ARHGAP42: variants seen among roughly 807,000 people sequenced by gnomAD.
ARHGAP42 encodes rho GTPase-activating protein 42.
In ARHGAP42, 63 loss-of-function variants were observed where a neutral mutation model predicts 125.0. The ratio of observed to expected loss-of-function variants is 0.50; its 90% CI spans 0.41 to 0.62. The LOEUF is 0.62. ARHGAP42 is among the 20% of genes least tolerant of loss of function. The pLI, the probability that ARHGAP42 is intolerant of heterozygous loss-of-function variation, is 0.00. For synonymous variants in ARHGAP42, 339 were observed against 351.0 expected, an observed-to-expected ratio of 0.97 and a Z score of 0.38; for missense variants, 766 against 1,024.2, an observed-to-expected ratio of 0.75 and a Z score of 3.44.
chr11:100,728,600 C>A (rs1372641377), intron 1 of ARHGAP42, among the ~76,000 whole-genome samples: 3 of 151,524 alleles, frequency 2.0e-5, no homozygotes, highest in African/African-American at 7.3e-5. Context: ...TTCCTCTTTT[C>A]CTCATTATAA....
At chr11:100,937,362 A>G (rs1867764365) in intron 8 of ARHGAP42, among the ~76,000 whole-genome samples, 1 of 152,128 alleles carries the variant, frequency 6.6e-6, no homozygotes, top group Non-Finnish European at 1.5e-5. Context: ...AAAATTACCA[A>G]TCCCTTGGCT....
intron 5 of ARHGAP42, among the ~76,000 whole-genome samples, 184 bp from the exon 6 acceptor site, chr11:100,921,310 A>T (rs78123976): frequency 0.14 from 17,152 of 119,898 alleles, 1,300 homozygotes; most frequent in Middle Eastern, 0.23. Context: ...CCGTGTGTGT[A>T]TGTGTCTGTG....
chr11:100,978,945 G>A, intron 21 of ARHGAP42, 42 bp from the exon 22 acceptor site: 1 of 1,543,238 alleles, frequency 6.5e-7, no homozygotes, highest in South Asian at 1.2e-5. Context: ...AGAACTGAAT[G>A]TGATTGACTT....
chr11:100,747,399 A>G (rs968265808), intron 1 of ARHGAP42, among the ~76,000 whole-genome samples: 3 of 152,226 alleles, frequency 2.0e-5, no homozygotes, highest in East Asian at 1.9e-4. Context: ...AACCTTGTAG[A>G]CATATTTATC....
intron 3 of ARHGAP42, among the ~76,000 whole-genome samples, chr11:100,836,111 C>G (rs988878019): frequency 6.6e-6 from 1 of 152,116 alleles, no homozygotes; most frequent in Non-Finnish European, 1.5e-5. Flanking sequence ...TCAGTCAAAT[C>G]TCATCCTCTT....
intron 3 of ARHGAP42, among the ~76,000 whole-genome samples, chr11:100,804,858 T>G (rs1203010626): frequency 6.6e-6 from 1 of 152,216 alleles, no homozygotes; most frequent in Non-Finnish European, 1.5e-5. Flanking sequence ...TCATTTGATT[T>G]TGAGCTTTCG....
At chr11:100,776,959 G>A (rs1863141567) in intron 2 of ARHGAP42, among the ~76,000 whole-genome samples, 1 of 147,402 alleles carries the variant, frequency 6.8e-6, no homozygotes, top group Non-Finnish European at 1.5e-5. Flanking sequence ...CTCCAGCCTG[G>A]GCAACAAAGT....
rs1858893129 is a variant in ARHGAP42 at position 100,993,358 on chromosome 11, C to T, written c.*4557C>T. Reference sequence around the variant, plus strand: ...TATATATAAAATGCACACTTTTAATCTCTATATGGCAGCATTTTTGAGGCT... The same window carrying T: ...TATATATAAAATGCACACTTTTAATTTCTATATGGCAGCATTTTTGAGGCT... On this transcript the variant is annotated 3_prime_UTR_variant, in exon 24 of 24. Coordinates refer to ENST00000298815, the MANE Select transcript of ARHGAP42 (RefSeq NM_152432.4). 6.0e-6 allele frequency: 1 copy of T among 166,874 alleles called. No individual in the cohort carries two copies. The highest frequency in any genetic ancestry group is 1.5e-5 in the Non-Finnish European group (1 of 68,098). 10.3% of individuals were successfully genotyped at this position (166,874 alleles called of 1,614,324 possible).
chr11:100,761,714 A>G (rs902972196), intron 1 of ARHGAP42, among the ~76,000 whole-genome samples: 1 of 152,234 alleles, frequency 6.6e-6, no homozygotes, highest in African/African-American at 2.4e-5. Context: ...TCTTGAAGAT[A>G]GTAATTTAAT....
At chr11:100,838,249 A>G (rs639425) in intron 3 of ARHGAP42, among the ~76,000 whole-genome samples, 7,724 of 152,146 alleles carry the variant, frequency 0.051, 247 homozygotes, top group Middle Eastern at 0.11. Flanking sequence ...CTGTTGGTGT[A>G]AACTTTGATC....
rs773574454 is a variant in ARHGAP42, at chr11:100,859,581, G to A, written c.340G>A (p.Ala114Thr). Residue 114 changes from alanine (A) to threonine (T), a missense_variant, in exon 4 of 24, where the codon GCA (alanine) becomes ACA (threonine). Physicochemically the swap from Ala to Thr is moderately conservative, Grantham distance 58 (BLOSUM62 0). Transcript: ENST00000298815. ...CCAAAACGCTAACGATGTATTAATT[G>A]CACCACTTGAGAAATTTCGAAAAGA... is the stretch of plus-strand genomic sequence containing the variant. ...LIQNANDVLI[A>T]PLEKFRKEQI... The A allele has an allele frequency of 6.6e-7, 1 of 1,520,900 alleles. No homozygotes were observed. The allele number at this position is 1,520,900 out of a possible 1,614,324, so 94.2% of individuals were successfully genotyped here.
chr11:100,780,489 T>C (rs990006874), intron 2 of ARHGAP42, among the ~76,000 whole-genome samples: 1 of 152,236 alleles, frequency 6.6e-6, no homozygotes, highest in African/African-American at 2.4e-5. Context: ...TTTGTGGATA[T>C]GGGCAGAACA....
intron 6 of ARHGAP42, 82 bp downstream of exon 6, chr11:100,921,686 A>C: frequency 2.4e-6 from 2 of 848,062 alleles, no homozygotes; most frequent in Non-Finnish European, 3.5e-6. Flanking sequence ...ATAATATATA[A>C]TTTTTCTTGA....
At chr11:100,750,000 C>T (rs1862407580) in intron 1 of ARHGAP42, among the ~76,000 whole-genome samples, 1 of 152,090 alleles carries the variant, frequency 6.6e-6, no homozygotes, top group African/African-American at 2.4e-5. Context: ...CACACTGGGT[C>T]CTGATTTCTC....
intron 3 of ARHGAP42, among the ~76,000 whole-genome samples, chr11:100,858,117 G>T (rs677276): frequency 3.3e-4 from 45 of 134,614 alleles, no homozygotes; most frequent in South Asian, 7.8e-4. Flanking sequence ...GTGTGTGTGT[G>T]TGTGTGTTTA....
In ARHGAP42 at chr11:100,728,460, T is replaced by C. The variant is rs926436819; in HGVS notation, c.154+40628T>C. On this transcript the variant is annotated intron_variant, in intron 1 of 23. Transcript: ENST00000298815. ...GACGGTAACACTGAAGACTGTAGAG[T>C]TGCTATTTCAAGTTGGGGACTTCTG... 3.3e-5 allele frequency among the ~76,000 whole-genome samples: 5 copies of C among 151,966 alleles called. No homozygotes were observed. The South Asian group carries it at 8.3e-4, about 25-fold the overall frequency.
At position 100,900,701 on chromosome 11, in the gene ARHGAP42, G is replaced by A. The variant is rs185329315; in HGVS notation, c.385-12751G>A. ...ACCCTTTCTTCCACTTGGTCGAATC[G>A]GCTGTTGAAACTTGTGTATGCATCA... On this transcript the variant is annotated intron_variant, in intron 4 of 23. Coordinates refer to ENST00000298815, the MANE Select transcript of ARHGAP42 (RefSeq NM_152432.4). 8.3e-3 allele frequency among the ~76,000 whole-genome samples: 1,266 copies of A among 152,028 alleles called. 18 individuals are homozygous for A. Among genetic ancestry groups the A allele is most frequent in the African/African-American group, 0.028 (1,147 of 41,438 alleles).
chr11:100,968,663 T>G (rs1858161186), intron 17 of ARHGAP42, among the ~76,000 whole-genome samples: 1 of 152,156 alleles, frequency 6.6e-6, no homozygotes, highest in African/African-American at 2.4e-5. Flanking sequence ...ATTAACCTTC[T>G]TACTTACCAT....
At chr11:100,725,627 C>G (rs1861841705) in intron 1 of ARHGAP42, among the ~76,000 whole-genome samples, 1 of 127,658 alleles carries the variant, frequency 7.8e-6, no homozygotes, top group Admixed American at 8.9e-5. Flanking sequence ...TTTAAAAAAA[C>G]AAAAATAATA....
Sources: gnomAD v4.1 joint callset for allele counts (sites outside exome capture counted in the v4.1 genomes callset) on GRCh38, gnomAD v4.1.1 for gene constraint, MANE v1.5 for transcripts, NCBI Gene and HGNC (gene_info 2026-07-23, HGNC 2026-07-21) for gene names.